The following MDGA2 variants were observed in gnomAD, a reference collection of about 807,000 sequenced individuals.
The protein encoded by MDGA2 is MAM domain-containing glycosylphosphatidylinositol anchor protein 2.
MDGA2 carries 40 observed loss-of-function variants against 117.8 expected under a neutral mutation model. That is an observed-to-expected ratio of 0.34 (90% CI 0.26 to 0.44). The LOEUF is 0.44. MDGA2 is among the 20% of genes least tolerant of loss of function. The pLI is 1.00. For synonymous variants in MDGA2, 452 were observed against 439.0 expected (o/e 1.03, Z -0.37); for missense variants, 1,123 against 1,250.6 (o/e 0.90, Z 1.54).
intron 2 of MDGA2, among the ~76,000 whole-genome samples, chr14:47,275,742 C>T (rs763965086): frequency 2.6e-4 from 39 of 151,936 alleles, no homozygotes; most frequent in Non-Finnish European, 4.4e-4. Context: ...AAGTGTTTTG[C>T]TTAGTTTTTT....
At chr14:47,255,358 G>A (rs1255093461) in intron 2 of MDGA2, among the ~76,000 whole-genome samples, 1 of 152,136 alleles carries the variant, frequency 6.6e-6, no homozygotes, top group Non-Finnish European at 1.5e-5. Flanking sequence ...GGTGGCAGGG[G>A]ACTGACTGTG....
chr14:47,177,898 A>G lies in MDGA2; in HGVS notation c.596-33624T>C, dbSNP rs529880695. On this transcript the variant is annotated intron_variant, in intron 3 of 16. Transcript: ENST00000399232. ...CATAATATATTAAACCTGCTGTACTAGTTTTGCATTTGTGAATTGTTGAGG... is the reference window on the plus strand; with the variant it reads ...CATAATATATTAAACCTGCTGTACTGGTTTTGCATTTGTGAATTGTTGAGG... 5.9e-5 allele frequency among the ~76,000 whole-genome samples: 9 copies of G among 152,244 alleles called. No homozygotes were observed. In the South Asian group the frequency reaches 1.0e-3, roughly 18 times the overall value.
Position 46,884,219 on chromosome 14 carries a change from G to C in MDGA2, c.2239-1998C>G, listed in dbSNP as rs1349120173. On this transcript the variant is annotated intron_variant, in intron 10 of 16. Transcript: ENST00000399232. The surrounding 1 kb of genome is among the most constrained non-coding windows in gnomAD (Gnocchi z 4.1). ...ATCCCTTGCTTTGAGAAGGCCTTGA[G>C]TTTTCATTGCTGTCTGCCTCAATGG... Among the ~76,000 whole-genome samples, 1 of 152,092 alleles carries C rather than the reference G, an allele frequency of 6.6e-6. No homozygotes were observed. Among genetic ancestry groups the C allele is most frequent in the East Asian group, 1.9e-4 (1 of 5,194 alleles).
intron 1 of MDGA2, among the ~76,000 whole-genome samples, chr14:47,599,970 A>G (rs1896615873): frequency 1.3e-5 from 2 of 152,154 alleles, no homozygotes; most frequent in African/African-American, 2.4e-5. Flanking sequence ...CAGAGCCAAA[A>G]TAAGAGCTGA....
chr14:47,374,232 G>A (rs983768256), intron 1 of MDGA2, among the ~76,000 whole-genome samples: 9 of 152,072 alleles, frequency 5.9e-5, no homozygotes, highest in African/African-American at 2.2e-4. Flanking sequence ...TGATGGTAAA[G>A]ATCATTAAAT....
chr14:47,650,898 A>G lies in MDGA2; in HGVS notation c.280+23619T>C, dbSNP rs561610720. Among the ~76,000 whole-genome samples the G allele has an allele frequency of 7.0e-4, 106 of 152,264 alleles. 1 individual carries two copies. Among genetic ancestry groups the G allele is most frequent in the African/African-American group, 2.3e-3 (96 of 41,542 alleles). ...AAACTTTTATTCCTTGATTTGACCC[A>G]CTGCCACTATGACTGCTGTCACTCA... On this transcript the variant is annotated intron_variant, in intron 1 of 16. Coordinates refer to ENST00000399232, the MANE Select transcript of MDGA2 (RefSeq NM_001113498.3).
At chr14:46,926,453 A>G (rs1245446416) in intron 9 of MDGA2, among the ~76,000 whole-genome samples, 1 of 152,068 alleles carries the variant, frequency 6.6e-6, no homozygotes, top group Non-Finnish European at 1.5e-5. Flanking sequence ...AAAATCAGAA[A>G]TCACAGCTCT....
At position 47,322,858 on chromosome 14, in the gene MDGA2, C is replaced by T. The variant is rs563826241; in HGVS notation, c.281-21308G>A. Among the ~76,000 whole-genome samples the T allele has an allele frequency of 7.9e-5, 12 of 152,086 alleles. No individual in the cohort carries two copies. The South Asian group carries it at 2.5e-3, about 32-fold the overall frequency. On this transcript the variant is annotated intron_variant, in intron 1 of 16. Transcript: ENST00000399232. ...GAAATATTTTATCAGCATTGGATTG[C>T]ATCTGCTAACGTAAACCTCCCTCTC... is the stretch of plus-strand genomic sequence containing the variant.
chr14:47,352,551 C>T lies in MDGA2; in HGVS notation c.281-51001G>A, dbSNP rs7140453. Among the ~76,000 whole-genome samples the T allele has an allele frequency of 8.9e-3, 1,361 of 152,270 alleles. 17 individuals carry two copies. The highest frequency in any genetic ancestry group is 0.03 in the African/African-American group (1,265 of 41,546). ...CTGTTTGGTGGTCTCTTCACATGGA[C>T]GCAACTGACAGTTCTTACATTTAGT... On this transcript the variant is annotated intron_variant, in intron 1 of 16. Transcript: ENST00000399232.
intron 10 of MDGA2, among the ~76,000 whole-genome samples, chr14:46,914,266 T>C (rs976117779): frequency 6.6e-6 from 1 of 152,118 alleles, no homozygotes; most frequent in Non-Finnish European, 1.5e-5. Flanking sequence ...AAGCAAATAA[T>C]TGGAGGTTAA....
intron 8 of MDGA2, among the ~76,000 whole-genome samples, chr14:46,983,125 T>C (rs1168451777): frequency 1.3e-5 from 2 of 152,102 alleles, no homozygotes; most frequent in Non-Finnish European, 2.9e-5. Flanking sequence ...ATAAAAAAAC[T>C]GATGCAAAAA....
rs147203692 is a variant in MDGA2, at chr14:47,147,184, T to C, written c.596-2910A>G. On this transcript the variant is annotated intron_variant, in intron 3 of 16. Transcript: ENST00000399232. ...ATATACATACTTATATATATAATAA[T>C]ATATAATGTAAGTAATTTATACACA... 1.2e-3 allele frequency among the ~76,000 whole-genome samples: 183 copies of C among 150,582 alleles called. 1 individual carries two copies. The East Asian group carries it at 0.031, about 26-fold the overall frequency.
chr14:47,622,425 G>C (rs976578767), intron 1 of MDGA2, among the ~76,000 whole-genome samples: 5 of 152,210 alleles, frequency 3.3e-5, no homozygotes, highest in African/African-American at 1.2e-4. Context: ...GTGTCCTCCA[G>C]TGTGAGAAAA....
chr14:47,156,279 T>C lies in MDGA2; in HGVS notation c.596-12005A>G, dbSNP rs538681236. On this transcript the variant is annotated intron_variant, in intron 3 of 16. Coordinates refer to ENST00000399232, the MANE Select transcript of MDGA2 (RefSeq NM_001113498.3). ...CATTTAAGCTTCTAGGATTCTAGGC[T>C]AGAAAACTTAAAATTATTTTTGACC... 3.8e-4 allele frequency among the ~76,000 whole-genome samples: 58 copies of C among 152,328 alleles called. 1 individual carries two copies. The highest frequency in any genetic ancestry group is 7.6e-4 in the Non-Finnish European group (52 of 68,014).
chr14:47,571,000 C>G (rs995875346), intron 1 of MDGA2, among the ~76,000 whole-genome samples: 1 of 151,876 alleles, frequency 6.6e-6, no homozygotes, highest in Admixed American at 6.6e-5. Flanking sequence ...TTTTGCAATC[C>G]ATCCATCTGA....
At chr14:47,023,056 T>C (rs1458019329) in intron 8 of MDGA2, among the ~76,000 whole-genome samples, 1 of 151,990 alleles carries the variant, frequency 6.6e-6, no homozygotes, top group African/African-American at 2.4e-5. Context: ...TGAGAACCAC[T>C]AAGTGAAGCA....
chr14:46,874,144 T>C lies in MDGA2; in HGVS notation c.2494A>G (p.Thr832Ala), dbSNP rs753357554. 6.5e-7 allele frequency: 1 copy of C among 1,536,280 alleles called. No individual in the cohort carries two copies. The highest frequency in any genetic ancestry group is 8.8e-7 in the Non-Finnish European group (1 of 1,141,854). ...GNICLFTQDD[T>A]DNFDWTKQST... is the part of the protein sequence containing the mutation. ...TGCTTTGTCCAGTCAAAATTATCTG[T>C]ATCATCTTGAGTGAACAAACAAATA... The change falls in exon 13 of 17, where the codon ACA becomes GCA. Residue 832 changes from threonine (T) to alanine (A), a missense_variant. Thr to Ala is a moderately conservative substitution (Grantham distance 58). Coordinates refer to ENST00000399232, the MANE Select transcript of MDGA2 (RefSeq NM_001113498.3).
intron 4 of MDGA2, among the ~76,000 whole-genome samples, chr14:47,133,291 T>C (rs1882299242): frequency 6.6e-6 from 1 of 151,886 alleles, no homozygotes; most frequent in Admixed American, 6.6e-5. Context: ...CCATACATGA[T>C]ATAAAATGCC....
At chr14:46,968,507 A>C (rs57349514) in intron 8 of MDGA2, among the ~76,000 whole-genome samples, 1 of 152,004 alleles carries the variant, frequency 6.6e-6, no homozygotes, top group East Asian at 1.9e-4. Context: ...ATGATCTTAC[A>C]TCTAGAAAAA....
Sources: gnomAD v4.1 joint callset for allele counts (sites outside exome capture counted in the v4.1 genomes callset) on GRCh38, gnomAD v4.1.1 for gene constraint, Gnocchi (gnomAD v3.1) non-coding constraint, MANE v1.5 for transcripts, NCBI Gene and HGNC (gene_info 2026-07-23, HGNC 2026-07-21) for gene names.